Variants in PDXDC1 observed in about 807,000 individuals in gnomAD.
PDXDC1 encodes the protein pyridoxal dependent decarboxylase domain containing 1, also known as pyridoxal-dependent decarboxylase domain-containing protein 1.
PDXDC1 carries 42 observed loss-of-function variants against 100.1 expected under a neutral mutation model. That is an observed-to-expected ratio of 0.42 (90% confidence interval 0.33 to 0.54). The LOEUF (loss-of-function observed/expected upper bound fraction) is 0.54. Among genes scored for constraint, PDXDC1 ranks in the 20% least tolerant of loss-of-function variants. The pLI is 0.10. For missense variants in PDXDC1, 636 were observed against 979.2 expected, an observed-to-expected ratio of 0.65 and a Z score of 4.68; for synonymous variants, 260 against 371.7, an observed-to-expected ratio of 0.70 and a Z score of 3.46.
downstream of PDXDC1, among the ~76,000 whole-genome samples, chr16:15,144,221 T>C (rs1463284062): frequency 6.6e-6 from 1 of 152,128 alleles, no homozygotes; most frequent in Non-Finnish European, 1.5e-5. Flanking sequence ...CAGGCAGCAG[T>C]GCCACCCCCA....
intron 12 of PDXDC1, among the ~76,000 whole-genome samples, chr16:15,019,212 A>T (rs2042001183): frequency 6.6e-6 from 1 of 152,282 alleles, no homozygotes; most frequent in African/African-American, 2.4e-5. Flanking sequence ...TCAGCATGGG[A>T]TCAGAAAAGA....
chr16:14,983,133 C>T (rs1219778549), intron 1 of PDXDC1, among the ~76,000 whole-genome samples: 2 of 152,154 alleles, frequency 1.3e-5, no homozygotes, highest in African/African-American at 2.4e-5. Context: ...CCTAAAAGTC[C>T]CCCAAATAAG....
intron 16 of PDXDC1, chr16:15,130,382 G>A (rs757613809): frequency 1.1e-5 from 18 of 1,577,228 alleles, no homozygotes; most frequent in Admixed American, 9.1e-5. Context: ...ACAGGCCCAC[G>A]GACACCTCCA....
chr16:14,979,290 A>G (rs1304818224), intron 1 of PDXDC1, among the ~76,000 whole-genome samples: 2 of 146,628 alleles, frequency 1.4e-5, no homozygotes, highest in Non-Finnish European at 3.0e-5. Flanking sequence ...AAGAGCTGGC[A>G]ATTCGTGTTT....
At position 15,068,273 on chromosome 16, in the gene PDXDC1, C is replaced by G. The variant is rs762773216; in HGVS notation, c.1399+38217C>G. 3.8e-6 allele frequency: 6 copies of G among 1,559,896 alleles called. No individual in the cohort carries two copies. The Admixed American group carries it at 1.2e-4, about 32-fold the overall frequency. On this transcript the variant is annotated intron_variant, in intron 16 of 16. Transcript: ENST00000535621. ...CAAAATTCAGACTCTGAAGATACTGCAAACCTTTGGTTTAAAAAAAAAAAA... is the reference window on the plus strand; with the variant it reads ...CAAAATTCAGACTCTGAAGATACTGGAAACCTTTGGTTTAAAAAAAAAAAA...
At chr16:15,040,990 G>A, downstream of PDXDC1, 1 of 956,218 alleles carries the variant, frequency 1.0e-6, no homozygotes. Context: ...ACAGCAGTGG[G>A]GTCATTGGTT....
intron 16 of PDXDC1, among the ~76,000 whole-genome samples, chr16:15,098,521 G>C (rs1430835501): frequency 6.6e-6 from 1 of 151,630 alleles, no homozygotes; most frequent in Non-Finnish European, 1.5e-5. Flanking sequence ...TTTCTATTTA[G>C]AAATTGTTCA....
intron 16 of PDXDC1, chr16:15,083,838 T>A (rs8060236): frequency 0.55 from 198,209 of 361,274 alleles, 57,723 homozygotes; most frequent in Admixed American, 0.65. Flanking sequence ...TGCCTCAACC[T>A]CCCAAACAGC....
intron 16 of PDXDC1, among the ~76,000 whole-genome samples, chr16:15,098,335 G>T (rs1213119069): frequency 6.6e-6 from 1 of 151,172 alleles, no homozygotes; most frequent in African/African-American, 2.4e-5. Context: ...TGAGTAGCTG[G>T]GACTACATGT....
At chr16:15,061,395 C>T (rs1323393937) in intron 16 of PDXDC1, 1 of 243,970 alleles carries the variant, frequency 4.1e-6, no homozygotes, top group Non-Finnish European at 7.8e-6. Flanking sequence ...AAACAGCAAC[C>T]CGTAAAACAG....
At chr16:15,131,062 C>T (rs748650971) in intron 16 of PDXDC1, 17 of 1,594,396 alleles carry the variant, frequency 1.1e-5, no homozygotes, top group African/African-American at 1.3e-5. Context: ...CAGGGGGCCG[C>T]GTGTGCCTCA....
chr16:15,134,633 G>A lies in PDXDC1; in HGVS notation c.1400-4246G>A, dbSNP rs572556434. Among the ~76,000 whole-genome samples, 210 of 41,436 alleles carry A rather than the reference G, an allele frequency of 5.1e-3. 1 individual carries two copies. The highest frequency in any genetic ancestry group is 0.011 in the African/African-American group (207 of 18,912). 27.2% of individuals were successfully genotyped at this position (41,436 alleles called of 152,430 possible). Reference sequence around the variant, plus strand: ...GCTCACTGAGGGCCCCTGGGGGGATGCGTGTGGGAACAGACGTATGTGGGG... The same window carrying A: ...GCTCACTGAGGGCCCCTGGGGGGATACGTGTGGGAACAGACGTATGTGGGG... On this transcript the variant is annotated intron_variant, in intron 16 of 16. Coordinates refer to the PDXDC1 transcript ENST00000535621.
intron 16 of PDXDC1, among the ~76,000 whole-genome samples, chr16:15,091,604 T>C (rs1489192786): frequency 1.3e-5 from 2 of 151,998 alleles, no homozygotes; most frequent in Non-Finnish European, 1.5e-5. Flanking sequence ...TACTTCTGTA[T>C]TGACATTTGA....
At chr16:15,072,603 G>A (rs2045283553) in intron 16 of PDXDC1, among the ~76,000 whole-genome samples, 1 of 152,090 alleles carries the variant, frequency 6.6e-6, no homozygotes, top group African/African-American at 2.4e-5. Flanking sequence ...AGGAGTTCAA[G>A]ACCAGTATGG....
chr16:15,031,241 G>T (rs2043047101), intron 16 of PDXDC1, among the ~76,000 whole-genome samples: 2 of 147,580 alleles, frequency 1.4e-5, no homozygotes, highest in South Asian at 2.2e-4. Context: ...TATAAGGATT[G>T]CCTGGCCACA....
At chr16:15,094,314 G>A (rs1255953139) in intron 16 of PDXDC1, 28 of 1,269,264 alleles carry the variant, frequency 2.2e-5, no homozygotes, top group Non-Finnish European at 2.9e-5. Context: ...CGGAAGTTGC[G>A]CGTGCCAGCG....
intron 1 of PDXDC1, chr16:14,988,164 G>A (rs55973981): frequency 0.23 from 329,234 of 1,455,380 alleles, 12,789 homozygotes; most frequent in East Asian, 0.5. Context: ...CACAAAGGGC[G>A]GGTGCTTCCA....
intron 16 of PDXDC1, among the ~76,000 whole-genome samples, chr16:15,085,919 T>A (rs2045900278): frequency 6.6e-6 from 1 of 152,130 alleles, no homozygotes; most frequent in Non-Finnish European, 1.5e-5. Context: ...CACCAGGAGT[T>A]CAATAAAGCA....
intron 16 of PDXDC1, among the ~76,000 whole-genome samples, chr16:15,079,642 G>C (rs1172464437): frequency 6.6e-6 from 1 of 151,418 alleles, no homozygotes; most frequent in African/African-American, 2.4e-5. Flanking sequence ...GCCCAGGCTG[G>C]AGTGCAGTGG....
Sources: allele counts gnomAD v4.1 joint callset (sites outside exome capture counted in the v4.1 genomes callset), GRCh38; gene constraint gnomAD v4.1.1; transcripts MANE v1.5; gene names NCBI Gene and HGNC (gene_info 2026-07-23, HGNC 2026-07-21).